CHST9: variants seen among roughly 807,000 people sequenced by gnomAD.
The protein encoded by CHST9 is carbohydrate sulfotransferase 9, also known as GalNAc-4-sulfotransferase 2.
In CHST9, 41 loss-of-function variants were observed where a neutral mutation model predicts 44.4. That is an observed-to-expected ratio of 0.92 (90% CI 0.72 to 1.20). The LOEUF (loss-of-function observed/expected upper bound fraction) is 1.20. Among genes scored for constraint, CHST9 ranks in the 50% most tolerant of loss-of-function variants. CHST9 has a pLI of 0.00. For missense variants in CHST9, 504 were observed against 516.5 expected (o/e 0.98, Z 0.23); for synonymous variants, 171 against 178.4 (o/e 0.96, Z 0.33).
intron 2 of CHST9, among the ~76,000 whole-genome samples, chr18:27,119,466 G>A (rs2058355942): frequency 6.6e-6 from 1 of 152,064 alleles, no homozygotes. Context: ...TTGTGAAAAA[G>A]AAACCACAAA....
chr18:27,006,952 C>T (rs745814065), intron 4 of CHST9, among the ~76,000 whole-genome samples: 2 of 152,034 alleles, frequency 1.3e-5, no homozygotes, highest in Non-Finnish European at 2.9e-5. Context: ...ATTCCAGTCC[C>T]CCTTGTGTGT....
At chr18:27,136,619 T>C (rs1486070652) in intron 2 of CHST9, among the ~76,000 whole-genome samples, 2 of 152,198 alleles carry the variant, frequency 1.3e-5, no homozygotes, top group African/African-American at 2.4e-5. Context: ...CTCAGACTTG[T>C]TGTGGGATTA....
rs566841160 is a variant in CHST9 at position 27,140,395 on chromosome 18, T to C, written c.121+2294A>G. Among the ~76,000 whole-genome samples the C allele has an allele frequency of 3.7e-4, 56 of 152,356 alleles. No individual in the cohort carries two copies. In the South Asian group the frequency reaches 8.5e-3, roughly 23 times the overall value. On this transcript the variant is annotated intron_variant, in intron 2 of 5. Transcript: ENST00000618847. Reference sequence around the variant, plus strand: ...CATAAATGGTAGCTATTAATGCTTATGGACACATTTGGTAAACTACATTTT... The same window carrying C: ...CATAAATGGTAGCTATTAATGCTTACGGACACATTTGGTAAACTACATTTT...
chr18:27,074,988 A>C (rs2057886160), intron 2 of CHST9, among the ~76,000 whole-genome samples: 1 of 148,212 alleles, frequency 6.7e-6, no homozygotes, highest in Non-Finnish European at 1.5e-5. Context: ...TGCTTTAAAG[A>C]AAATGTTTTT....
intron 3 of CHST9, among the ~76,000 whole-genome samples, chr18:27,025,551 C>T (rs575881703): frequency 6.6e-6 from 1 of 152,156 alleles, no homozygotes; most frequent in African/African-American, 2.4e-5. Flanking sequence ...AAGCATATAT[C>T]CAAGGGCATT....
chr18:27,059,162 T>C (rs1352034), intron 2 of CHST9, among the ~76,000 whole-genome samples: 1 of 152,188 alleles, frequency 6.6e-6, no homozygotes, highest in East Asian at 1.9e-4. Flanking sequence ...TTATTAGAGT[T>C]TTACAATTTT....
intron 2 of CHST9, among the ~76,000 whole-genome samples, chr18:27,123,137 G>C (rs1311822807): frequency 6.6e-6 from 1 of 152,136 alleles, no homozygotes; most frequent in African/African-American, 2.4e-5. Flanking sequence ...CCCAATGTGG[G>C]GATTCTATCA....
intron 2 of CHST9, among the ~76,000 whole-genome samples, chr18:27,106,799 C>T (rs960561979): frequency 3.3e-5 from 5 of 152,258 alleles, no homozygotes; most frequent in Non-Finnish European, 1.5e-5. Flanking sequence ...ACCAGTCTAT[C>T]GCAGTTGGCA....
chr18:26,953,784 A>G (rs1375339454), intron 4 of CHST9, among the ~76,000 whole-genome samples: 1 of 152,178 alleles, frequency 6.6e-6, no homozygotes, highest in African/African-American at 2.4e-5. Context: ...ATTGCTCCCA[A>G]TTAGCCTGCT....
At chr18:27,120,146 A>G (rs577829105) in intron 2 of CHST9, among the ~76,000 whole-genome samples, 14 of 152,342 alleles carry the variant, frequency 9.2e-5, no homozygotes, top group African/African-American at 3.1e-4. Context: ...TAGTTAACCA[A>G]TGATGAAACC....
intron 2 of CHST9, among the ~76,000 whole-genome samples, chr18:27,104,379 C>T (rs942829415): frequency 6.6e-6 from 1 of 152,156 alleles, no homozygotes; most frequent in Non-Finnish European, 1.5e-5. Context: ...TCTTTGCCTG[C>T]TTTGCATGGG....
intron 4 of CHST9, among the ~76,000 whole-genome samples, chr18:27,011,898 G>T (rs939362987): frequency 3.9e-5 from 6 of 152,182 alleles, no homozygotes; most frequent in African/African-American, 1.4e-4. Flanking sequence ...CTGCACACTG[G>T]ATCCGAAGTT....
intron 4 of CHST9, among the ~76,000 whole-genome samples, chr18:26,958,318 T>C (rs1446823676): frequency 6.6e-6 from 1 of 152,186 alleles, no homozygotes; most frequent in Non-Finnish European, 1.5e-5. Flanking sequence ...TTGTTTACGT[T>C]CTTTGACTCT....
At position 27,181,353 on chromosome 18, in the gene CHST9, C is replaced by T. The variant is rs369557067; in HGVS notation, c.-97+3783G>A. 7.9e-5 allele frequency among the ~76,000 whole-genome samples: 12 copies of T among 152,296 alleles called. No homozygotes were observed. The East Asian group carries it at 1.5e-3, about 20-fold the overall frequency. On this transcript the variant is annotated intron_variant, in intron 1 of 5. Transcript: ENST00000618847. The stretch of plus-strand genomic sequence containing the variant: ...AGCTTTTGAAAAACACAATAGAAAT[C>T]TGTTAAATTGGCAGTCTTGCTGAAC...
chr18:26,943,081 C>A (rs2056107512), intron 5 of CHST9, among the ~76,000 whole-genome samples: 1 of 151,990 alleles, frequency 6.6e-6, no homozygotes, highest in South Asian at 2.1e-4. Flanking sequence ...GCACTCCAGC[C>A]TGGTGACAGA....
At chr18:27,115,964 T>A (rs1054240387) in intron 2 of CHST9, among the ~76,000 whole-genome samples, 1 of 152,200 alleles carries the variant, frequency 6.6e-6, no homozygotes, top group East Asian at 1.9e-4. Flanking sequence ...TCTATTCAGA[T>A]CCTTTTCCTG....
At chr18:27,090,116 T>C (rs551867928) in intron 2 of CHST9, among the ~76,000 whole-genome samples, 2 of 152,304 alleles carry the variant, frequency 1.3e-5, no homozygotes, top group South Asian at 4.1e-4. Flanking sequence ...CAGTGTTTCC[T>C]GACTTTTTAA....
intron 2 of CHST9, among the ~76,000 whole-genome samples, chr18:27,053,253 A>AAGAAGAAGAAGGAGAAGG (rs2057602487): frequency 8.9e-6 from 1 of 112,946 alleles, no homozygotes; most frequent in Non-Finnish European, 1.9e-5. Flanking sequence ...GAAGAAGAAG[A>AAGAAGAAGAAGGAGAAGG]AGAAGAAGGA....
chr18:26,985,645 A>G (rs2056746162), intron 4 of CHST9, among the ~76,000 whole-genome samples: 1 of 152,174 alleles, frequency 6.6e-6, no homozygotes, highest in Non-Finnish European at 1.5e-5. Context: ...TCAAAGAGAG[A>G]ATGCTGAACA....
Sources: allele counts gnomAD v4.1 joint callset (sites outside exome capture counted in the v4.1 genomes callset), GRCh38; gene constraint gnomAD v4.1.1; transcripts MANE v1.5; gene names NCBI Gene and HGNC (gene_info 2026-07-23, HGNC 2026-07-21).